MAN1C1: variants seen among roughly 807,000 people sequenced by gnomAD.
The protein encoded by MAN1C1 is mannosidase alpha class 1C member 1.
Under a neutral mutation model 71.5 loss-of-function variants are expected in MAN1C1, and 49 were observed. The observed-to-expected ratio is 0.69, with a 90% CI of 0.54 to 0.87. MAN1C1 has a LOEUF of 0.87. Ranked by LOEUF, MAN1C1 falls within the 40% of genes least tolerant of loss-of-function variation. MAN1C1 has a pLI of 0.00. For missense variants in MAN1C1, 743 were observed against 835.0 expected, an observed-to-expected ratio of 0.89 and a Z score of 1.36; for synonymous variants, 352 against 343.7, an observed-to-expected ratio of 1.02 and a Z score of -0.27.
intron 1 of MAN1C1, among the ~76,000 whole-genome samples, chr1:25,627,227 T>G (rs2045309011): frequency 6.6e-6 from 1 of 152,178 alleles, no homozygotes; most frequent in African/African-American, 2.4e-5. Flanking sequence ...CTCTAGTGAT[T>G]TATCTTTTAT....
At chr1:25,649,149 C>T (rs1015611524) in intron 1 of MAN1C1, among the ~76,000 whole-genome samples, 2 of 152,190 alleles carry the variant, frequency 1.3e-5, no homozygotes, top group African/African-American at 4.8e-5. Context: ...CACCTAGAAG[C>T]TTAGAAGGTA....
chr1:25,665,926 T>C (rs2045917857), intron 1 of MAN1C1, among the ~76,000 whole-genome samples: 1 of 149,872 alleles, frequency 6.7e-6, no homozygotes, highest in Admixed American at 6.7e-5. Flanking sequence ...CTACTGGGTT[T>C]CAGATCTCAA....
At chr1:25,649,968 T>C (rs1362842179) in intron 1 of MAN1C1, among the ~76,000 whole-genome samples, 2 of 152,162 alleles carry the variant, frequency 1.3e-5, no homozygotes, top group African/African-American at 4.8e-5. Flanking sequence ...TTGAAAACTC[T>C]AGGATGCTCC....
intron 1 of MAN1C1, among the ~76,000 whole-genome samples, chr1:25,635,861 G>T (rs187041859): frequency 6.6e-6 from 1 of 152,206 alleles, no homozygotes; most frequent in East Asian, 1.9e-4. Flanking sequence ...GGCTACTGGG[G>T]GAACCCACCC....
chr1:25,774,324 G>A (rs1332608634), intron 8 of MAN1C1, among the ~76,000 whole-genome samples: 1 of 152,174 alleles, frequency 6.6e-6, no homozygotes. Flanking sequence ...CCTCCTCTGA[G>A]CTAGTGCTCT....
intron 1 of MAN1C1, among the ~76,000 whole-genome samples, chr1:25,685,836 A>G (rs1022855241): frequency 6.6e-6 from 1 of 152,178 alleles, no homozygotes; most frequent in African/African-American, 2.4e-5. Context: ...GCTGGAGTGC[A>G]TGGGAGGCCA....
rs538604901 is a variant in MAN1C1 at position 25,667,180 on chromosome 1, G to C, written c.541-19260G>C. Among the ~76,000 whole-genome samples, 3 of 152,186 alleles carry C rather than the reference G, an allele frequency of 2.0e-5. No homozygotes were observed. In the East Asian group the frequency reaches 5.8e-4, roughly 29 times the overall value. On this transcript the variant is annotated intron_variant, in intron 1 of 11. Coordinates refer to ENST00000374332, the MANE Select transcript of MAN1C1 (RefSeq NM_020379.4). Reference sequence around the variant, plus strand: ...GAAGGCCTGTGTGAGCTTTAATTTTGGCCATTTAAACAATTCAAAGAGGCT... The same window carrying C: ...GAAGGCCTGTGTGAGCTTTAATTTTCGCCATTTAAACAATTCAAAGAGGCT...
At chr1:25,670,994 A>G (rs537698770) in intron 1 of MAN1C1, among the ~76,000 whole-genome samples, 8 of 152,074 alleles carry the variant, frequency 5.3e-5, no homozygotes, top group Non-Finnish European at 1.2e-4. Context: ...CCCTCACCTA[A>G]ACCTCCCAAG....
intron 1 of MAN1C1, among the ~76,000 whole-genome samples, chr1:25,671,457 A>C (rs2045991589): frequency 6.6e-6 from 1 of 152,218 alleles, no homozygotes; most frequent in African/African-American, 2.4e-5. Flanking sequence ...AGGTTCCAGC[A>C]TTCAAGGGCA....
chr1:25,780,955 C>G lies in MAN1C1; in HGVS notation c.1493C>G (p.Pro498Arg), dbSNP rs1392744099. The change falls in exon 10 of 12, where the codon CCT (proline) becomes CGT (arginine). Residue 498 changes from proline (P) to arginine (R), a missense_variant. By Grantham distance (103) the Pro-to-Arg change is moderately radical. Transcript: ENST00000374332. The stretch of plus-strand genomic sequence containing the variant: ...GTTTCCCCAGACACCAAACTTGGGC[C>G]TGAGGCCTTCTGGTTTAACTCCGGC... ...SYARSDTKLG[P>R]EAFWFNSGRE... is the part of the protein sequence containing the mutation. 1.2e-6 allele frequency: 2 copies of G among 1,614,040 alleles called. No homozygotes were observed. The highest frequency in any genetic ancestry group is 3.3e-5 in the Admixed American group (2 of 60,020).
intron 3 of MAN1C1, among the ~76,000 whole-genome samples, chr1:25,748,005 G>A (rs2047160561): frequency 6.6e-6 from 1 of 152,178 alleles, no homozygotes; most frequent in Non-Finnish European, 1.5e-5. Context: ...AGGAAGCTGA[G>A]AATCCCCCCA....
At chr1:25,714,425 A>G (rs898237958) in intron 2 of MAN1C1, among the ~76,000 whole-genome samples, 2 of 152,232 alleles carry the variant, frequency 1.3e-5, no homozygotes, top group East Asian at 3.8e-4. Context: ...ATTCATGAAT[A>G]AAAATGTTTG....
chr1:25,641,151 A>G lies in MAN1C1; in HGVS notation c.540+22814A>G, dbSNP rs190223133. ...GCTAGGCTGGAACAATGCTTCCTGG[A>G]CAGATCAGGTCAAAAATTCCCAGTG... On this transcript the variant is annotated intron_variant, in intron 1 of 11. Transcript: ENST00000374332. Among the ~76,000 whole-genome samples the G allele has an allele frequency of 7.2e-5, 11 of 152,332 alleles. No individual in the cohort carries two copies. In the East Asian group the frequency reaches 1.7e-3, roughly 24 times the overall value.
chr1:25,656,888 C>T (rs150137840), intron 1 of MAN1C1, among the ~76,000 whole-genome samples: 9 of 151,264 alleles, frequency 5.9e-5, no homozygotes, highest in African/African-American at 1.7e-4. Context: ...TGCAGTGGCG[C>T]GATCTTGACT....
chr1:25,762,637 C>T (rs796971470), intron 6 of MAN1C1, among the ~76,000 whole-genome samples: 60 of 150,970 alleles, frequency 4.0e-4, no homozygotes, highest in African/African-American at 1.4e-3. Context: ...CATGTTGCCA[C>T]GGCTGGTCTC....
intron 1 of MAN1C1, among the ~76,000 whole-genome samples, chr1:25,620,944 A>C (rs1026570748): frequency 1.1e-4 from 17 of 152,322 alleles, no homozygotes; most frequent in African/African-American, 2.9e-4. Flanking sequence ...GTTTTTCCTC[A>C]CTTTCCAATT....
At chr1:25,706,851 G>A (rs1218390667) in intron 2 of MAN1C1, among the ~76,000 whole-genome samples, 1 of 152,166 alleles carries the variant, frequency 6.6e-6, no homozygotes, top group South Asian at 2.1e-4. Context: ...GTCCTTTGGG[G>A]ATAATCAGAG....
chr1:25,685,483 G>T (rs1185770555), intron 1 of MAN1C1, among the ~76,000 whole-genome samples: 1 of 152,252 alleles, frequency 6.6e-6, no homozygotes, highest in Non-Finnish European at 1.5e-5. Flanking sequence ...CACCATAAAG[G>T]CAAGTGAGGG....
At chr1:25,768,448 CAT>C (rs1371870457) in intron 7 of MAN1C1, among the ~76,000 whole-genome samples, 5 of 133,850 alleles carry the variant, frequency 3.7e-5, no homozygotes, top group Admixed American at 7.4e-5. Flanking sequence ...CCCTCACACA[CAT>C]CCACACTCCC....
Sources: allele counts gnomAD v4.1 joint callset (sites outside exome capture counted in the v4.1 genomes callset), GRCh38; gene constraint gnomAD v4.1.1; transcripts MANE v1.5; gene names NCBI Gene and HGNC (gene_info 2026-07-23, HGNC 2026-07-21).